Variants in TPTE observed in about 807,000 individuals in gnomAD.
TPTE encodes the protein putative tyrosine-protein phosphatase TPTE.
Under a neutral mutation model 84.1 loss-of-function variants are expected in TPTE, and 59 were observed. That is an observed-to-expected ratio of 0.70 (90% CI 0.57 to 0.87). The LOEUF (loss-of-function observed/expected upper bound fraction) is 0.87. Ranked by LOEUF, TPTE falls within the 40% of genes least tolerant of loss-of-function variation. TPTE has a pLI of 0.00. For missense variants in TPTE, 382 were observed against 659.6 expected (o/e 0.58, Z 4.61); for synonymous variants, 130 against 223.5 (o/e 0.58, Z 3.73).
At chr21:10,573,845 G>T (rs2075095490) in intron 14 of TPTE, among the ~76,000 whole-genome samples, 1 of 152,312 alleles carries the variant, frequency 6.6e-6, no homozygotes, top group Admixed American at 6.5e-5. Flanking sequence ...CATGATGGCA[G>T]AGGCAAGAGT....
At chr21:10,531,325 A>G (rs1436820020) in intron 3 of TPTE, among the ~76,000 whole-genome samples, 1 of 152,312 alleles carries the variant, frequency 6.6e-6, no homozygotes, top group Non-Finnish European at 1.5e-5. Flanking sequence ...AGTTCTTGCA[A>G]GAGCTGGTGG....
intron 17 of TPTE, among the ~76,000 whole-genome samples, chr21:10,579,674 A>C (rs1182257228): frequency 1.1e-4 from 17 of 152,266 alleles, no homozygotes; most frequent in Admixed American, 1.0e-3. Context: ...CACTTAACAT[A>C]ATGTTCTCCA....
At chr21:10,586,044 G>T (rs1600957521) in intron 17 of TPTE, among the ~76,000 whole-genome samples, 1 of 152,276 alleles carries the variant, frequency 6.6e-6, no homozygotes, top group Non-Finnish European at 1.5e-5. Flanking sequence ...GCCTATTTGT[G>T]GTCTCTATTT....
At chr21:10,576,711 A>G (rs1212120682) in intron 14 of TPTE, 1 of 152,340 alleles carries the variant, frequency 6.6e-6, no homozygotes, top group African/African-American at 2.4e-5. Context: ...GCACAGAGAT[A>G]TATACGTATG....
At chr21:10,530,569 A>C (rs2074160217) in intron 3 of TPTE, among the ~76,000 whole-genome samples, 1 of 152,306 alleles carries the variant, frequency 6.6e-6, no homozygotes, top group Admixed American at 6.5e-5. Flanking sequence ...TCCCCTAGTG[A>C]GGAACACATA....
intron 17 of TPTE, among the ~76,000 whole-genome samples, chr21:10,581,909 A>AT (rs1477014652): frequency 1.9e-3 from 292 of 151,900 alleles, no homozygotes; most frequent in African/African-American, 6.8e-3. Flanking sequence ...TAATTTTTGT[A>AT]TTTTTTATAG....
chr21:10,581,486 T>C (rs1398919488), intron 17 of TPTE, among the ~76,000 whole-genome samples: 1 of 152,310 alleles, frequency 6.6e-6, no homozygotes, highest in Non-Finnish European at 1.5e-5. Context: ...AGAGGGCTAA[T>C]ATTCAGCTGG....
At chr21:10,592,071 A>G (rs376596206) in intron 18 of TPTE, among the ~76,000 whole-genome samples, 1,219 of 150,374 alleles carry the variant, frequency 8.1e-3, no homozygotes, top group South Asian at 0.043. Context: ...AGGCTGAGGC[A>G]GTAGAATCAC....
At chr21:10,600,484 C>T (rs1210949361) in intron 21 of TPTE, among the ~76,000 whole-genome samples, 1 of 152,304 alleles carries the variant, frequency 6.6e-6, no homozygotes, top group Non-Finnish European at 1.5e-5. Context: ...CTTTTTCCCT[C>T]CATTTGGACT....
chr21:10,562,165 A>G (rs916376041), intron 10 of TPTE, among the ~76,000 whole-genome samples: 8 of 152,312 alleles, frequency 5.3e-5, no homozygotes, highest in Non-Finnish European at 8.8e-5. Flanking sequence ...GTCTGCAAGA[A>G]CCAGAGTTTA....
chr21:10,564,403 A>C (rs2074873307), intron 10 of TPTE, among the ~76,000 whole-genome samples: 1 of 152,298 alleles, frequency 6.6e-6, no homozygotes. Flanking sequence ...TCAGCTACTC[A>C]TGAGGCCGAG....
chr21:10,605,335 T>G, intron 23 of TPTE, 82 bp from the exon 24 acceptor site: 1 of 1,522,232 alleles, frequency 6.6e-7, no homozygotes, highest in Non-Finnish European at 8.8e-7. Context: ...TTTTGTTTCT[T>G]CCAGCTCTAA....
Position 10,550,316 on chromosome 21 carries a change from A to G in TPTE, c.174-2341A>G, listed in dbSNP as rs1010620609. 3.3e-5 allele frequency among the ~76,000 whole-genome samples: 5 copies of G among 152,428 alleles called. No individual in the cohort carries two copies. In the South Asian group the frequency reaches 6.2e-4, roughly 19 times the overall value. On this transcript the variant is annotated intron_variant, in intron 7 of 23. Transcript: ENST00000618007. ...TGAGTGGATTAAAAAATAAGACCCC[A>G]CTATATTTTATCTAAAAGAAACTCA...
chr21:10,592,167 A>C, intron 18 of TPTE, 126 bp from the exon 19 acceptor site: 1 of 1,489,762 alleles, frequency 6.7e-7, no homozygotes, highest in Non-Finnish European at 9.2e-7. Context: ...TCTACCAAAA[A>C]AACAAACAAA....
intron 3 of TPTE, among the ~76,000 whole-genome samples, chr21:10,527,997 CATG>C (rs1432164808): frequency 6.6e-6 from 1 of 152,284 alleles, no homozygotes; most frequent in Non-Finnish European, 1.5e-5. Context: ...TGCTGCCACA[CATG>C]ATGATCAGGT....
At chr21:10,574,195 G>T (rs1164866870) in intron 14 of TPTE, among the ~76,000 whole-genome samples, 1 of 152,312 alleles carries the variant, frequency 6.6e-6, no homozygotes, top group Non-Finnish European at 1.5e-5. Flanking sequence ...CCAGCTGAAA[G>T]GATCATTGTT....
At chr21:10,527,333 T>C (rs2074098449) in intron 2 of TPTE, 22 bp from the exon 3 acceptor site, 1 of 152,808 alleles carries the variant, frequency 6.5e-6, no homozygotes, top group Non-Finnish European at 1.5e-5. Flanking sequence ...ATTTTTTGTA[T>C]GTGCTTTTTA....
chr21:10,556,994 G>C (rs28639848), intron 8 of TPTE, among the ~76,000 whole-genome samples: 2,801 of 151,286 alleles, frequency 0.019, no homozygotes, highest in Non-Finnish European at 0.021. Context: ...TCCGTAGGTT[G>C]CCTGTTCACT....
chr21:10,544,567 G>T (rs975886299), intron 7 of TPTE, among the ~76,000 whole-genome samples: 1 of 152,302 alleles, frequency 6.6e-6, no homozygotes, highest in Non-Finnish European at 1.5e-5. Context: ...TGTATTTTTG[G>T]TAGGGGCGGG....
Sources: gnomAD v4.1 joint callset for allele counts (sites outside exome capture counted in the v4.1 genomes callset) on GRCh38, gnomAD v4.1.1 for gene constraint, MANE v1.5 for transcripts, NCBI Gene and HGNC (gene_info 2026-07-23, HGNC 2026-07-21) for gene names.